FBRSL1: variants seen among roughly 807,000 people sequenced by gnomAD.
The protein encoded by FBRSL1 is fibrosin-1-like protein.
Under a neutral mutation model 89.6 loss-of-function variants are expected in FBRSL1, and 51 were observed. That is an observed-to-expected ratio of 0.57 (90% CI 0.45 to 0.72). The LOEUF is 0.72. Ranked by LOEUF, FBRSL1 falls within the 30% of genes least tolerant of loss-of-function variation. FBRSL1 has a pLI of 0.00. For synonymous variants in FBRSL1, 779 were observed against 681.1 expected, an observed-to-expected ratio of 1.14 and a Z score of -2.24; for missense variants, 1,618 against 1,451.8, an observed-to-expected ratio of 1.11 and a Z score of -1.86.
chr12:132,572,401 G>A, intron 10 of FBRSL1, 57 bp downstream of exon 10: 2 of 1,538,018 alleles, frequency 1.3e-6, no homozygotes, highest in Non-Finnish European at 1.8e-6. Flanking sequence ...CCTGGCCACG[G>A]GGCGGTGGGT....
At chr12:132,528,092 C>G in intron 4 of FBRSL1, 104 bp downstream of exon 4, 2 of 1,030,062 alleles carry the variant, frequency 1.9e-6, no homozygotes, top group Admixed American at 4.1e-5. Flanking sequence ...CACCCCAGTC[C>G]CGTGCCCGCT....
chr12:132,580,922 C>G (rs1312249433), intron 15 of FBRSL1: 1 of 985,316 alleles, frequency 1.0e-6, no homozygotes, highest in Non-Finnish European at 1.2e-6. Context: ...GTTGGGGGGC[C>G]AGGGCTGATG....
chr12:132,500,301 T>A (rs2032761248), intron 1 of FBRSL1, among the ~76,000 whole-genome samples: 1 of 152,154 alleles, frequency 6.6e-6, no homozygotes, highest in African/African-American at 2.4e-5. Flanking sequence ...ACACCCCCAC[T>A]GTGGGTGCTG....
rs73155014 is a variant in FBRSL1 at position 132,492,733 on chromosome 12, G to A, written c.291+1872G>A. 8.9e-3 allele frequency among the ~76,000 whole-genome samples: 1,349 copies of A among 152,348 alleles called. 11 individuals are homozygous for A. Among genetic ancestry groups the A allele is most frequent in the South Asian group, 0.039 (190 of 4,830 alleles). ...CAGCTGGCCCCTCAGGTCATAGTGA[G>A]ACAAGTCTGCTGCTGCGTGGCGTTA... On this transcript the variant is annotated intron_variant, in intron 1 of 18. Coordinates refer to ENST00000680143, the MANE Select transcript of FBRSL1 (RefSeq NM_001367871.1).
At chr12:132,572,252 TGTGCGGG>T in intron 9 of FBRSL1, 29 bp from the exon 10 acceptor site, 1 of 1,543,238 alleles carries the variant, frequency 6.5e-7, no homozygotes, top group Non-Finnish European at 8.8e-7. Context: ...CGGTGTCGTG[TGTGCGGG>T]GCCTCACCCT....
At chr12:132,564,294 C>T (rs943131376) in intron 5 of FBRSL1, among the ~76,000 whole-genome samples, 63 of 152,290 alleles carry the variant, frequency 4.1e-4, no homozygotes, top group African/African-American at 1.5e-3. Flanking sequence ...GGCTGGGCCA[C>T]GTGGGATTCA....
rs775632498 is a variant in FBRSL1, at chr12:132,572,571, G to C, written c.1479G>C (p.Leu493=). The change falls in exon 11 of 19, where the codon CTG becomes CTC. Residue 493 remains leucine, a synonymous_variant. Coordinates refer to ENST00000680143, the MANE Select transcript of FBRSL1 (RefSeq NM_001367871.1). The part of the protein sequence containing the change: ...FPPAIPGLPT[L]LPHPGPFGSL... Reference sequence around the variant, plus strand: ...CTGCCATCCCGGGACTGCCCACCCTGCTCCCACACCCCGGCCCCTTCGGGT... The same window carrying C: ...CTGCCATCCCGGGACTGCCCACCCTCCTCCCACACCCCGGCCCCTTCGGGT... The C allele has an allele frequency of 1.9e-5, 30 of 1,551,246 alleles. No homozygotes were observed. Among genetic ancestry groups the C allele is most frequent in the South Asian group, 1.5e-4 (13 of 84,054 alleles).
chr12:132,527,594 G>T (rs2035892706), intron 3 of FBRSL1, among the ~76,000 whole-genome samples: 2 of 151,680 alleles, frequency 1.3e-5, no homozygotes, highest in South Asian at 2.1e-4. Context: ...CTGCGGGGCT[G>T]CGGGGCAGGG....
chr12:132,581,252 T>A (rs1341439042), intron 15 of FBRSL1, 187 bp from the exon 16 acceptor site: 1 of 729,914 alleles, frequency 1.4e-6, no homozygotes, highest in Non-Finnish European at 1.6e-6. Context: ...AAGTCAAACC[T>A]CCTCCGAATT....
intron 4 of FBRSL1, among the ~76,000 whole-genome samples, chr12:132,544,700 G>T (rs1217383893): frequency 1.3e-5 from 2 of 152,098 alleles, no homozygotes; most frequent in East Asian, 1.9e-4. Context: ...GGTGTTGGTG[G>T]TGGTGGTGTG....
intron 1 of FBRSL1, among the ~76,000 whole-genome samples, chr12:132,492,252 C>T (rs1054528717): frequency 2.2e-4 from 34 of 152,230 alleles, no homozygotes; most frequent in African/African-American, 8.2e-4. Context: ...CCCTTGTACC[C>T]TGCCGTTCTC....
chr12:132,529,667 C>T (rs886518067), intron 4 of FBRSL1, among the ~76,000 whole-genome samples: 4 of 151,078 alleles, frequency 2.6e-5, no homozygotes, highest in African/African-American at 9.8e-5. Flanking sequence ...GCTCTGCCAC[C>T]CTGGGCTCGG....
chr12:132,571,476 C>T, intron 9 of FBRSL1: 4 of 1,549,750 alleles, frequency 2.6e-6, no homozygotes, highest in Non-Finnish European at 3.5e-6. Context: ...ACACATTCGC[C>T]CCCTTCCCCG....
intron 1 of FBRSL1, among the ~76,000 whole-genome samples, chr12:132,500,381 G>A (rs140311582): frequency 6.6e-6 from 1 of 152,106 alleles, no homozygotes; most frequent in Non-Finnish European, 1.5e-5. Flanking sequence ...TGTCTACACT[G>A]CTGGCGAGTG....
chr12:132,558,283 T>C (rs1050406897), intron 5 of FBRSL1, among the ~76,000 whole-genome samples: 24 of 152,306 alleles, frequency 1.6e-4, no homozygotes, highest in East Asian at 7.7e-4. Flanking sequence ...TGCTGAGCCA[T>C]GAGCCCTGCG....
intron 15 of FBRSL1, chr12:132,580,990 T>G (rs1250569050): frequency 5.1e-6 from 5 of 985,348 alleles, no homozygotes; most frequent in Admixed American, 6.1e-5. Flanking sequence ...GGCTGCCATG[T>G]GCAGCCTCCA....
chr12:132,502,149 G>A (rs2033063841), intron 1 of FBRSL1, among the ~76,000 whole-genome samples: 1 of 152,192 alleles, frequency 6.6e-6, no homozygotes, highest in Non-Finnish European at 1.5e-5. Flanking sequence ...CCAACCTGCG[G>A]CAGCCCCGCA....
intron 2 of FBRSL1, chr12:132,509,249 C>T: frequency 8.0e-7 from 1 of 1,253,808 alleles, no homozygotes; most frequent in African/African-American, 1.5e-5. Context: ...AGCTCCAGCC[C>T]AGCCAGTCCA....
chr12:132,520,657 C>T (rs1037159142), intron 2 of FBRSL1, among the ~76,000 whole-genome samples: 15 of 152,298 alleles, frequency 9.8e-5, no homozygotes, highest in Admixed American at 2.0e-4. Flanking sequence ...GAAGGCAGGG[C>T]GTAGCATCTG....
Sources: allele counts gnomAD v4.1 joint callset (sites outside exome capture counted in the v4.1 genomes callset), GRCh38; gene constraint gnomAD v4.1.1; transcripts MANE v1.5; gene names NCBI Gene and HGNC (gene_info 2026-07-23, HGNC 2026-07-21).